SPATA17: variants seen among roughly 807,000 people sequenced by gnomAD.
SPATA17 encodes the protein spermatogenesis associated 17.
A neutral mutation model predicts 62.2 loss-of-function variants in SPATA17; 53 were observed. The observed-to-expected ratio is 0.85, with a 90% CI of 0.68 to 1.07. The LOEUF (loss-of-function observed/expected upper bound fraction) is 1.07, where lower values mean the gene tolerates loss of function less well. SPATA17 is among the 50% of genes least tolerant of loss of function. SPATA17 has a pLI of 0.00. For missense variants in SPATA17, 466 were observed against 425.5 expected, an observed-to-expected ratio of 1.10 and a Z score of -0.84; for synonymous variants, 146 against 146.8, an observed-to-expected ratio of 0.99 and a Z score of 0.04.
At chr1:217,786,037 C>A (rs1412203603) in intron 8 of SPATA17, among the ~76,000 whole-genome samples, 4 of 151,972 alleles carry the variant, frequency 2.6e-5, no homozygotes, top group African/African-American at 4.8e-5. Context: ...ATGAAGGAAC[C>A]TTTATATGGG....
intron 1 of SPATA17, among the ~76,000 whole-genome samples, chr1:217,637,164 T>A (rs1291886783): frequency 6.6e-6 from 1 of 152,224 alleles, no homozygotes; most frequent in African/African-American, 2.4e-5. Context: ...ATCTACTACA[T>A]GCTGAGCACT....
At chr1:217,767,110 T>C (rs988999617) in intron 6 of SPATA17, among the ~76,000 whole-genome samples, 1 of 152,148 alleles carries the variant, frequency 6.6e-6, no homozygotes, top group Non-Finnish European at 1.5e-5. Context: ...TATTTCTCCT[T>C]TATATTAGAA....
intron 5 of SPATA17, among the ~76,000 whole-genome samples, chr1:217,729,113 T>C (rs1404897798): frequency 1.3e-5 from 2 of 152,238 alleles, no homozygotes; most frequent in Non-Finnish European, 2.9e-5. Flanking sequence ...ATGCGGAGTG[T>C]CATTGCCACC....
intron 9 of SPATA17, among the ~76,000 whole-genome samples, chr1:217,822,847 T>C (rs1674901239): frequency 6.6e-6 from 1 of 151,508 alleles, no homozygotes; most frequent in South Asian, 2.1e-4. Flanking sequence ...CCTGCTCAAC[T>C]GATAGTTGCT....
intron 3 of SPATA17, among the ~76,000 whole-genome samples, chr1:217,658,373 A>G (rs948117180): frequency 1.3e-5 from 2 of 152,254 alleles, no homozygotes; most frequent in East Asian, 3.9e-4. Context: ...ACCTTCCACC[A>G]TGAGTAAAAG....
intron 1 of SPATA17, among the ~76,000 whole-genome samples, chr1:217,648,415 AT>A (rs1305000041): frequency 2.6e-5 from 4 of 152,180 alleles, no homozygotes; most frequent in African/African-American, 9.7e-5. Flanking sequence ...CTAGCTATTA[AT>A]GGAACAGGCA....
chr1:217,831,561 A>G (rs922764789), intron 9 of SPATA17, among the ~76,000 whole-genome samples: 1 of 152,200 alleles, frequency 6.6e-6, no homozygotes, highest in African/African-American at 2.4e-5. Flanking sequence ...TTAGTATTTA[A>G]AAGATCAAAT....
chr1:217,631,582 C>T (rs1001389133), intron 1 of SPATA17, 136 bp downstream of exon 1: 64 of 833,442 alleles, frequency 7.7e-5, no homozygotes, highest in African/African-American at 1.9e-4. Flanking sequence ...CCTTAATGGG[C>T]TGCAAACATA....
intron 5 of SPATA17, among the ~76,000 whole-genome samples, chr1:217,708,333 T>C (rs1471570369): frequency 6.6e-6 from 1 of 151,728 alleles, no homozygotes; most frequent in Admixed American, 6.6e-5. Flanking sequence ...AGAGAGAAGA[T>C]ACAAATAAAT....
At chr1:217,793,442 G>C (rs539204707) in intron 8 of SPATA17, among the ~76,000 whole-genome samples, 10 of 152,036 alleles carry the variant, frequency 6.6e-5, no homozygotes, top group South Asian at 2.1e-4. Flanking sequence ...GGATGGTCTC[G>C]ATCTCTTGAC....
chr1:217,733,417 C>T (rs542790340), intron 5 of SPATA17, among the ~76,000 whole-genome samples: 2 of 152,272 alleles, frequency 1.3e-5, no homozygotes, highest in African/African-American at 2.4e-5. Context: ...AAAACTTGCT[C>T]GTTGTTCAGT....
chr1:217,646,065 T>C (rs12734954), intron 1 of SPATA17, among the ~76,000 whole-genome samples: 1 of 152,150 alleles, frequency 6.6e-6, no homozygotes. Flanking sequence ...GTCAAAATGT[T>C]GATAATCAGG....
chr1:217,685,390 C>A (rs552441329), intron 5 of SPATA17, among the ~76,000 whole-genome samples: 1 of 152,120 alleles, frequency 6.6e-6, no homozygotes, highest in Non-Finnish European at 1.5e-5. Flanking sequence ...TTATTTTCCT[C>A]CTGATTTTAA....
intron 1 of SPATA17, among the ~76,000 whole-genome samples, chr1:217,647,993 G>A (rs1208151290): frequency 6.6e-6 from 1 of 152,036 alleles, no homozygotes; most frequent in Non-Finnish European, 1.5e-5. Flanking sequence ...AGAGTGCTGG[G>A]ATTACAGGCA....
chr1:217,694,842 G>A (rs1420448243), intron 5 of SPATA17, among the ~76,000 whole-genome samples: 1 of 141,016 alleles, frequency 7.1e-6, no homozygotes. Context: ...CTGGCTTGTA[G>A]GGTTTCTGCC....
intron 3 of SPATA17, among the ~76,000 whole-genome samples, chr1:217,659,195 C>A (rs1670511125): frequency 6.7e-6 from 1 of 150,064 alleles, no homozygotes. Flanking sequence ...AAAACACACA[C>A]ACACACACAC....
At chr1:217,699,922 T>C (rs532405401) in intron 5 of SPATA17, among the ~76,000 whole-genome samples, 1 of 152,320 alleles carries the variant, frequency 6.6e-6, no homozygotes, top group Non-Finnish European at 1.5e-5. Flanking sequence ...GAAGAGGCTA[T>C]CTTTCCTTCA....
chr1:217,772,717 A>AT (rs1673480406), intron 6 of SPATA17, among the ~76,000 whole-genome samples: 1 of 152,162 alleles, frequency 6.6e-6, no homozygotes, highest in African/African-American at 2.4e-5. Flanking sequence ...ACATTCATTT[A>AT]TTGAGTGCCT....
chr1:217,719,597 C>T, intron 5 of SPATA17, among the ~76,000 whole-genome samples: 1 of 152,130 alleles, frequency 6.6e-6, no homozygotes, highest in East Asian at 1.9e-4. Flanking sequence ...AGGGACTAGT[C>T]AGGAGACAAA....
Sources: allele counts gnomAD v4.1 joint callset (sites outside exome capture counted in the v4.1 genomes callset), GRCh38; gene constraint gnomAD v4.1.1; transcripts MANE v1.5; gene names NCBI Gene and HGNC (gene_info 2026-07-23, HGNC 2026-07-21).